The following RAD51B variants were observed in gnomAD, a reference collection of about 807,000 sequenced individuals.
The protein encoded by RAD51B is DNA repair protein RAD51 homolog 2.
A neutral mutation model predicts 42.2 loss-of-function variants in RAD51B; 38 were observed. The ratio of observed to expected loss-of-function variants is 0.90; its 90% CI spans 0.70 to 1.18. RAD51B has a LOEUF of 1.18. Ranked by LOEUF, RAD51B falls within the 50% of genes most tolerant of loss-of-function variation. The pLI, the probability that RAD51B is intolerant of heterozygous loss-of-function variation, is 0.00. For synonymous variants in RAD51B, 154 were observed against 145.2 expected (o/e 1.06, Z -0.43); for missense variants, 373 against 400.7 (o/e 0.93, Z 0.59).
chr14:68,009,347 TCA>T (rs2075646147), intron 7 of RAD51B, among the ~76,000 whole-genome samples: 1 of 151,942 alleles, frequency 6.6e-6, no homozygotes, highest in Non-Finnish European at 1.5e-5. Context: ...CTCTAATTTA[TCA>T]GTTTGTATTT....
At chr14:68,522,293 A>G (rs150684951) in intron 10 of RAD51B, among the ~76,000 whole-genome samples, 45 of 152,290 alleles carry the variant, frequency 3.0e-4, no homozygotes, top group Middle Eastern at 3.4e-3. Flanking sequence ...TACAGACAAG[A>G]TGGGAGTCAT....
chr14:68,354,216 G>GTTTTTTTTTTT (rs3075406), intron 8 of RAD51B, among the ~76,000 whole-genome samples: 5 of 110,484 alleles, frequency 4.5e-5, no homozygotes, highest in Admixed American at 1.0e-4. Context: ...TGGTTTTTTG[G>GTTTTTTTTTTT]TTTTTTTTTT....
chr14:68,013,826 G>T (rs1296244656), intron 7 of RAD51B, among the ~76,000 whole-genome samples: 1 of 152,112 alleles, frequency 6.6e-6, no homozygotes, highest in Non-Finnish European at 1.5e-5. Context: ...AAGTACAAAG[G>T]TCAGGCATCC....
intron 7 of RAD51B, among the ~76,000 whole-genome samples, chr14:68,075,749 G>A (rs1566625824): frequency 6.6e-6 from 1 of 152,154 alleles, no homozygotes; most frequent in Admixed American, 6.5e-5. Flanking sequence ...CTGAGCCAGG[G>A]GCGCTGCCTG....
chr14:67,921,622 C>CACACACAT (rs1491508018), intron 7 of RAD51B, among the ~76,000 whole-genome samples: 2 of 128,264 alleles, frequency 1.6e-5, no homozygotes, highest in African/African-American at 5.7e-5. Context: ...CACACACACA[C>CACACACAT]ATTTTGTGGT....
intron 7 of RAD51B, among the ~76,000 whole-genome samples, chr14:68,146,021 G>C (rs1566680390): frequency 6.8e-6 from 1 of 146,296 alleles, no homozygotes; most frequent in East Asian, 2.0e-4. Flanking sequence ...ATAGGTAGAA[G>C]TTATGTTCAA....
intron 4 of RAD51B, chr14:67,857,971 G>A (rs1274874195): frequency 6.6e-6 from 1 of 152,566 alleles, no homozygotes; most frequent in African/African-American, 2.4e-5. Context: ...GGCCAGACCA[G>A]GCATGAGCTA....
intron 7 of RAD51B, among the ~76,000 whole-genome samples, chr14:67,951,118 G>A (rs1473594628): frequency 1.3e-5 from 2 of 152,332 alleles, no homozygotes; most frequent in Non-Finnish European, 2.9e-5. Flanking sequence ...GACATGAAAT[G>A]AGCACATGCT....
chr14:68,457,963 A>G (rs1355362710), intron 9 of RAD51B, among the ~76,000 whole-genome samples: 3 of 151,834 alleles, frequency 2.0e-5, no homozygotes, highest in African/African-American at 7.3e-5. Flanking sequence ...CTGAAAAAAA[A>G]AAAAAAACCA....
chr14:68,377,559 C>T (rs186274336), intron 8 of RAD51B, among the ~76,000 whole-genome samples: 168 of 152,326 alleles, frequency 1.1e-3, no homozygotes, highest in Middle Eastern at 3.4e-3. Context: ...GCTGCAATGA[C>T]GTCTGCATCA....
At chr14:67,964,571 T>C (rs111418798) in intron 7 of RAD51B, among the ~76,000 whole-genome samples, 26 of 152,366 alleles carry the variant, frequency 1.7e-4, no homozygotes, top group African/African-American at 5.8e-4. Context: ...TGCTTTCTTT[T>C]TCTGTATCTC....
chr14:68,483,611 C>T (rs114924848), intron 10 of RAD51B, among the ~76,000 whole-genome samples: 2,287 of 152,300 alleles, frequency 0.015, 51 homozygotes, highest in African/African-American at 0.046. Flanking sequence ...CCTTCCATTT[C>T]CATTCTGCCG....
At chr14:67,934,793 TC>T (rs1431963251) in intron 7 of RAD51B, among the ~76,000 whole-genome samples, 6 of 152,188 alleles carry the variant, frequency 3.9e-5, no homozygotes, top group African/African-American at 1.2e-4. Context: ...TGTTGTTCCA[TC>T]CCTGACTCTT....
intron 9 of RAD51B, chr14:68,421,966 A>G (rs1357947319): frequency 6.5e-7 from 1 of 1,543,822 alleles, no homozygotes; most frequent in Non-Finnish European, 9.0e-7. Context: ...GTGTAGATGG[A>G]CTTGCCACCA....
chr14:68,056,303 A>G (rs1392654266), intron 7 of RAD51B, among the ~76,000 whole-genome samples: 1 of 151,944 alleles, frequency 6.6e-6, no homozygotes, highest in Admixed American at 6.5e-5. Flanking sequence ...GGATGCCACC[A>G]TGCCTGGCTA....
intron 7 of RAD51B, among the ~76,000 whole-genome samples, chr14:68,097,007 T>A (rs1414061930): frequency 6.6e-6 from 1 of 152,224 alleles, no homozygotes; most frequent in Non-Finnish European, 1.5e-5. Context: ...GATAGTTAAA[T>A]CTCATTCCTC....
intron 7 of RAD51B, among the ~76,000 whole-genome samples, chr14:68,037,267 G>A (rs1246937823): frequency 6.9e-6 from 1 of 145,428 alleles, no homozygotes; most frequent in African/African-American, 2.6e-5. Context: ...CTGTCACCAG[G>A]TTGGGGTGCA....
chr14:68,558,244 C>T (rs1448740472), intron 10 of RAD51B, among the ~76,000 whole-genome samples: 1 of 152,204 alleles, frequency 6.6e-6, no homozygotes, highest in East Asian at 1.9e-4. Flanking sequence ...AATATCTCCA[C>T]CCCACCCATG....
At chr14:68,089,460 C>G (rs80335845) in intron 7 of RAD51B, among the ~76,000 whole-genome samples, 3,609 of 152,224 alleles carry the variant, frequency 0.024, 77 homozygotes, top group African/African-American at 0.055. Context: ...TCATTAGTGA[C>G]CCAGCAGGGG....
Sources: gnomAD v4.1 joint callset for allele counts (sites outside exome capture counted in the v4.1 genomes callset) on GRCh38, gnomAD v4.1.1 for gene constraint, MANE v1.5 for transcripts, NCBI Gene and HGNC (gene_info 2026-07-23, HGNC 2026-07-21) for gene names.